The following CHD7 variants were observed in gnomAD, a reference collection of about 807,000 sequenced individuals.
The protein encoded by CHD7 is ATP-dependent chromatin remodeler CHD7.
A neutral mutation model predicts 307.3 loss-of-function variants in CHD7; 24 were observed. The observed-to-expected ratio is 0.08, with a 90% CI of 0.06 to 0.11. The LOEUF is 0.11. CHD7 is among the 10% of genes least tolerant of loss of function. The pLI is 1.00. For synonymous variants in CHD7, 1,363 were observed against 1,349.9 expected, an observed-to-expected ratio of 1.01 and a Z score of -0.21; for missense variants, 3,106 against 3,727.1, an observed-to-expected ratio of 0.83 and a Z score of 4.34.
rs1184043183 is a variant in CHD7, at chr8:60,753,769, C to T, written c.1665+10672C>T. 3.3e-5 allele frequency among the ~76,000 whole-genome samples: 5 copies of T among 151,780 alleles called. No individual in the cohort carries two copies. In the South Asian group the frequency reaches 6.3e-4, roughly 19 times the overall value. ...CCTCCAGAGTACCTGGGGCTACAGT[C>T]GCCCACCACCGCACCTGGCTGATTT... On this transcript the variant is annotated intron_variant, in intron 2 of 37. Coordinates refer to ENST00000423902, the MANE Select transcript of CHD7 (RefSeq NM_017780.4).
intron 1 of CHD7, among the ~76,000 whole-genome samples, chr8:60,725,825 A>G (rs1477287849): frequency 1.3e-5 from 2 of 152,160 alleles, no homozygotes; most frequent in African/African-American, 4.8e-5. Flanking sequence ...TTTAGGACCA[A>G]CACACTCCAG....
At chr8:60,863,337 G>A (rs940614751) in intron 37 of CHD7, 3 of 151,992 alleles carry the variant, frequency 2.0e-5, no homozygotes, top group African/African-American at 4.8e-5. Flanking sequence ...AAGGACATAA[G>A]TCTTGAAGCA....
chr8:60,850,581 C>T lies in CHD7; in HGVS notation c.5493C>T (p.Ala1831=), dbSNP rs773211166. 11 of 1,613,052 alleles carry T rather than the reference C, an allele frequency of 6.8e-6. No homozygotes were observed. The highest frequency in any genetic ancestry group is 3.3e-5 in the Admixed American group (2 of 59,898). The change falls in exon 26 of 38, where the codon GCC becomes GCT. Residue 1831 remains alanine, a synonymous_variant. Transcript: ENST00000423902. ...VGMPDAKAIA[A]EQRGTDMLAD... is the part of the protein sequence containing the mutation. ...TGCCTGATGCCAAGGCCATAGCTGC[C>T]GAGCAAAGAGGAACAGACATGCTAG...
intron 3 of CHD7, 45 bp downstream of exon 3, chr8:60,781,475 A>G: frequency 6.7e-7 from 1 of 1,486,734 alleles, no homozygotes; most frequent in Non-Finnish European, 8.9e-7. Flanking sequence ...TTGAGAGTAC[A>G]GAAATTAGCG....
intron 9 of CHD7, among the ~76,000 whole-genome samples, chr8:60,820,856 A>C (rs1277229775): frequency 6.6e-6 from 1 of 152,146 alleles, no homozygotes; most frequent in East Asian, 1.9e-4. Context: ...TTACTTTTCT[A>C]ATTTTCCTTA....
rs1804072755 is a variant in CHD7 at position 60,822,156 on chromosome 8, C to G, written c.2957+11C>G. ...CAATTGGTACAACATGTATGTAAAA[C>G]AAGTTTTTCTTCACTTTTAAATATA... is the stretch of plus-strand genomic sequence containing the variant. On this transcript the variant is annotated intron_variant, in intron 11 of 37. Transcript: ENST00000423902. 1.3e-6 allele frequency: 2 copies of G among 1,598,554 alleles called. No homozygotes were observed. Among genetic ancestry groups the G allele is most frequent in the Non-Finnish European group, 1.7e-6 (2 of 1,173,542 alleles).
chr8:60,789,448 C>T (rs1477347455), intron 3 of CHD7, among the ~76,000 whole-genome samples: 1 of 152,138 alleles, frequency 6.6e-6, no homozygotes, highest in African/African-American at 2.4e-5. Context: ...TTAATTTTTC[C>T]CAATATGGTG....
intron 34 of CHD7, among the ~76,000 whole-genome samples, chr8:60,858,843 C>G (rs1805836856): frequency 6.6e-6 from 1 of 152,202 alleles, no homozygotes; most frequent in African/African-American, 2.4e-5. Context: ...CTTCTGGGCT[C>G]AAGTAATCCA....
At chr8:60,844,732 T>C in intron 21 of CHD7, 132 bp from the exon 22 acceptor site, 2 of 682,080 alleles carry the variant, frequency 2.9e-6, no homozygotes, top group Admixed American at 3.0e-5. Context: ...CACCCTGGAT[T>C]TCTTTCCTAT....
rs1328762003 is a variant in CHD7 at position 60,852,703 on chromosome 8, G to A, written c.6100G>A (p.Asp2034Asn). The A allele has an allele frequency of 6.2e-7, 1 of 1,613,960 alleles. No homozygotes were observed. Among genetic ancestry groups the A allele is most frequent in the Non-Finnish European group, 8.5e-7 (1 of 1,179,844 alleles). Reference sequence around the variant, plus strand: ...ATGTCGAATGCCCGTCAAGCCAGATGATGGTAGGTACATTTAGCAACAAAG... The same window carrying A: ...ATGTCGAATGCCCGTCAAGCCAGATAATGGTAGGTACATTTAGCAACAAAG... ...RVCRMPVKPD[D>N]EPPDLSSIIE... The change falls in exon 30 of 38, where the codon GAT (aspartate) becomes AAT (asparagine). Residue 2034 changes from aspartate to asparagine, a missense_variant. Around this residue, in one of 10 missense-constraint regions of CHD7, gnomAD observed 1,030 missense variants for 1,165.4 expected, o/e 0.88. Coordinates refer to ENST00000423902, the MANE Select transcript of CHD7 (RefSeq NM_017780.4).
chr8:60,710,392 C>G (rs930161773), intron 1 of CHD7, among the ~76,000 whole-genome samples: 1 of 152,174 alleles, frequency 6.6e-6, no homozygotes, highest in South Asian at 2.1e-4. Flanking sequence ...TCGATTCACT[C>G]AAGACACCCC....
chr8:60,724,235 G>T (rs1808059720), intron 1 of CHD7, among the ~76,000 whole-genome samples: 1 of 152,214 alleles, frequency 6.6e-6, no homozygotes, highest in Non-Finnish European at 1.5e-5. Flanking sequence ...TCGTGTGGTT[G>T]TGATTTTTTA....
At chr8:60,798,035 A>T (rs2150703854) in intron 4 of CHD7, among the ~76,000 whole-genome samples, 1 of 152,348 alleles carries the variant, frequency 6.6e-6, no homozygotes. Context: ...TACTGTCATT[A>T]ACCCCATTCT....
chr8:60,682,635 A>G (rs1805688472), intron 1 of CHD7, among the ~76,000 whole-genome samples: 1 of 152,248 alleles, frequency 6.6e-6, no homozygotes, highest in Non-Finnish European at 1.5e-5. Context: ...GGTTAAAACA[A>G]TAAAAGGCAG....
At chr8:60,762,233 CT>C (rs1810249320) in intron 2 of CHD7, among the ~76,000 whole-genome samples, 1 of 152,198 alleles carries the variant, frequency 6.6e-6, no homozygotes, top group African/African-American at 2.4e-5. Flanking sequence ...GATTTTAGTT[CT>C]TCACAACCTT....
intron 13 of CHD7, among the ~76,000 whole-genome samples, chr8:60,827,960 C>T (rs577507504): frequency 6.6e-6 from 1 of 151,880 alleles, no homozygotes; most frequent in African/African-American, 2.4e-5. Context: ...TTAAGACTGG[C>T]CATTGTAAAA....
rs2129767072 is a variant in CHD7, at chr8:60,865,567, T to C, written c.8628T>C (p.Ala2876=). The change falls in exon 38 of 38, where the codon GCT becomes GCC. Residue 2876 remains alanine (A), a synonymous_variant. Coordinates refer to ENST00000423902, the MANE Select transcript of CHD7 (RefSeq NM_017780.4). This position sits in a 1 kb window ranked among gnomAD's most constrained non-coding sequence, Gnocchi z 4.3. ...ACTCTGCGAATGGATCTGTTGGTGCTGCTACTGCCCCGGCTGGATTGCCCT... is the reference window on the plus strand; with the variant it reads ...ACTCTGCGAATGGATCTGTTGGTGCCGCTACTGCCCCGGCTGGATTGCCCT... The part of the protein sequence containing the change: ...AADSANGSVG[A]ATAPAGLPSN... The C allele has an allele frequency of 6.2e-7, 1 of 1,614,044 alleles. No individual in the cohort carries two copies. The highest frequency in any genetic ancestry group is 2.2e-5 in the East Asian group (1 of 44,880).
intron 2 of CHD7, among the ~76,000 whole-genome samples, chr8:60,747,706 C>T (rs543613983): frequency 6.6e-6 from 1 of 152,250 alleles, no homozygotes; most frequent in African/African-American, 2.4e-5. Flanking sequence ...AAACCCTGGC[C>T]CACAATTTTA....
At chr8:60,784,269 A>G (rs746967022) in intron 3 of CHD7, among the ~76,000 whole-genome samples, 15 of 152,232 alleles carry the variant, frequency 9.9e-5, no homozygotes, top group South Asian at 2.1e-4. Context: ...GCAAAATGTT[A>G]TGTGATACCA....
Sources: gnomAD v4.1 joint callset for allele counts (sites outside exome capture counted in the v4.1 genomes callset) on GRCh38, gnomAD v4.1.1 for gene constraint, gnomAD v4.1.1 regional missense constraint, Gnocchi (gnomAD v3.1) non-coding constraint, MANE v1.5 for transcripts, NCBI Gene and HGNC (gene_info 2026-07-23, HGNC 2026-07-21) for gene names.